The following LEMD1 variants were observed in gnomAD, a reference collection of about 807,000 sequenced individuals.
LEMD1 encodes the protein LEM domain-containing protein 1.
A neutral mutation model predicts 17.4 loss-of-function variants in LEMD1; 18 were observed. The observed-to-expected ratio is 1.04, with a 90% CI of 0.72 to 1.54. The LOEUF is 1.54. LEMD1 is among the 40% of genes most tolerant of loss of function. LEMD1 has a pLI of 0.00. For synonymous variants in LEMD1, 88 were observed against 77.8 expected, an observed-to-expected ratio of 1.13 and a Z score of -0.69; for missense variants, 195 against 210.4, an observed-to-expected ratio of 0.93 and a Z score of 0.45.
Position 205,384,331 on chromosome 1 carries a change from C to T in LEMD1, c.304G>A (p.Val102Ile), listed in dbSNP as rs1314013041. 1 of 1,525,950 alleles carries T rather than the reference C, an allele frequency of 6.6e-7. No homozygotes were observed. The highest frequency in any genetic ancestry group is 1.4e-5 in the African/African-American group (1 of 71,658). 94.5% of individuals were successfully genotyped at this position (1,525,950 alleles called of 1,614,324 possible). A position where few individuals can be genotyped will look rare whatever the true frequency, so the allele number is the denominator to read the frequency against. Reference protein sequence around the residue: ...PEASTTKRKAVDTYCLDYKPS... With the variant: ...PEASTTKRKAIDTYCLDYKPS... ...TTATAATCCAAGCAATAGGTATCTA[C>T]AGCTTTGCGTTTAGTGGTGGAAGCC... Residue 102 changes from valine to isoleucine, a missense_variant, in exon 5 of 6, where the codon GTA becomes ATA. By Grantham distance (29) the Val-to-Ile change is conservative. Transcript: ENST00000367153.
intron 1 of LEMD1, chr1:205,435,106 G>C (rs1168669471): frequency 6.6e-6 from 1 of 152,206 alleles, no homozygotes; most frequent in Non-Finnish European, 1.5e-5. Context: ...CCTCAGTGCA[G>C]GAGTTTAGCA....
intron 4 of LEMD1, among the ~76,000 whole-genome samples, chr1:205,397,074 A>T (rs1472636848): frequency 6.6e-6 from 1 of 152,108 alleles, no homozygotes; most frequent in Non-Finnish European, 1.5e-5. Context: ...TTAGTTTGTG[A>T]TTGGAAGGTT....
chr1:205,385,386 A>G (rs1235515912), intron 4 of LEMD1: 1 of 152,206 alleles, frequency 6.6e-6, no homozygotes, highest in Non-Finnish European at 1.5e-5. Flanking sequence ...TATTTTTAGC[A>G]GAGACGGGGT....
chr1:205,390,279 T>C (rs1313596115), intron 4 of LEMD1, among the ~76,000 whole-genome samples: 2 of 151,402 alleles, frequency 1.3e-5, no homozygotes, highest in African/African-American at 4.9e-5. Context: ...CGCTTGAACC[T>C]GGGAGGTGGA....
intron 1 of LEMD1, among the ~76,000 whole-genome samples, chr1:205,442,776 A>G (rs1666317188): frequency 6.6e-6 from 1 of 152,178 alleles, no homozygotes; most frequent in South Asian, 2.1e-4. Flanking sequence ...TAGAGCCAAG[A>G]CACAACTACT....
At chr1:205,449,145 C>T (rs1367104832) in intron 1 of LEMD1, among the ~76,000 whole-genome samples, 2 of 152,146 alleles carry the variant, frequency 1.3e-5, no homozygotes, top group African/African-American at 4.8e-5. Context: ...TGCGCAGTGC[C>T]CTGCCGCTCT....
chr1:205,432,105 A>G (rs745855463), intron 1 of LEMD1, among the ~76,000 whole-genome samples: 3 of 152,178 alleles, frequency 2.0e-5, no homozygotes, highest in Non-Finnish European at 1.5e-5. Context: ...TAACCACGTG[A>G]TATCTTTGAG....
At chr1:205,393,317 T>C (rs1375125277) in intron 4 of LEMD1, among the ~76,000 whole-genome samples, 1 of 151,570 alleles carries the variant, frequency 6.6e-6, no homozygotes, top group African/African-American at 2.4e-5. Context: ...TCATTAGTCA[T>C]TAGGGAAATG....
Position 205,381,843 on chromosome 1 carries a change from C to G in LEMD1, c.361G>C (p.Ala121Pro), listed in dbSNP as rs1258791783. ...CCATATGTGATTCTGGTGCTTGGTG[C>G]TCTTGCAGCCCACCTGTGAAAACAT... Reference protein sequence around the residue: ...PSKGRRWAARAPSTRITYGTI... With the variant: ...PSKGRRWAARPPSTRITYGTI... The change falls in exon 6 of 6, where the codon GCA (alanine) becomes CCA (proline). Residue 121 changes from alanine (A) to proline (P), a missense_variant. Ala to Pro is a conservative substitution (Grantham distance 27, BLOSUM62 -1). Coordinates refer to ENST00000367153, the MANE Select transcript of LEMD1 (RefSeq NM_001199050.2). 2 of 1,613,994 alleles carry G rather than the reference C, an allele frequency of 1.2e-6. No homozygotes were observed. The highest frequency in any genetic ancestry group is 2.7e-5 in the African/African-American group (2 of 74,884).
intron 3 of LEMD1, among the ~76,000 whole-genome samples, chr1:205,417,720 CT>C (rs1201595101): frequency 6.6e-6 from 1 of 151,970 alleles, no homozygotes; most frequent in Non-Finnish European, 1.5e-5. Context: ...TCTGTGCCGC[CT>C]CCAATGTCGG....
intron 4 of LEMD1, among the ~76,000 whole-genome samples, chr1:205,391,982 G>C (rs919243662): frequency 2.0e-5 from 3 of 151,588 alleles, no homozygotes; most frequent in African/African-American, 7.3e-5. Flanking sequence ...ATAGTGGCAG[G>C]CACCTGTAAT....
chr1:205,435,539 A>G (rs1481277999), intron 1 of LEMD1: 1 of 152,164 alleles, frequency 6.6e-6, no homozygotes, highest in African/African-American at 2.4e-5. Context: ...TGGTGGAGGG[A>G]CAGAAGAAAG....
intron 4 of LEMD1, among the ~76,000 whole-genome samples, chr1:205,407,871 G>A (rs1006529333): frequency 4.6e-5 from 7 of 152,200 alleles, no homozygotes; most frequent in African/African-American, 1.7e-4. Context: ...TACCTGGCTG[G>A]TGTCTGGAGA....
intron 4 of LEMD1, among the ~76,000 whole-genome samples, chr1:205,406,859 C>T (rs1174343969): frequency 6.6e-6 from 1 of 152,184 alleles, no homozygotes; most frequent in East Asian, 1.9e-4. Context: ...GGCTCCTCCC[C>T]CCAATATTTT....
chr1:205,403,681 C>CT (rs1054406503), intron 4 of LEMD1, among the ~76,000 whole-genome samples: 55 of 152,060 alleles, frequency 3.6e-4, no homozygotes, highest in African/African-American at 1.1e-3. Context: ...TTTTGAAAGG[C>CT]TTTTTTTGTC....
chr1:205,403,838 T>C (rs1247321782), intron 4 of LEMD1, among the ~76,000 whole-genome samples: 2 of 152,112 alleles, frequency 1.3e-5, no homozygotes, highest in East Asian at 1.9e-4. Flanking sequence ...TGTGGGCATT[T>C]AGTGCTATAA....
At chr1:205,399,351 T>C (rs534915620) in intron 4 of LEMD1, among the ~76,000 whole-genome samples, 4 of 152,348 alleles carry the variant, frequency 2.6e-5, no homozygotes, top group Middle Eastern at 6.8e-3. Flanking sequence ...ATTGGGTTGT[T>C]AGATTGCAAT....
intron 4 of LEMD1, among the ~76,000 whole-genome samples, chr1:205,388,078 C>T (rs1664125336): frequency 6.6e-6 from 1 of 152,240 alleles, no homozygotes; most frequent in Admixed American, 6.5e-5. Flanking sequence ...AAGAGCCCCA[C>T]AGTCCCTGCC....
intron 4 of LEMD1, among the ~76,000 whole-genome samples, chr1:205,388,105 T>A (rs1289813283): frequency 6.6e-6 from 1 of 152,222 alleles, no homozygotes; most frequent in African/African-American, 2.4e-5. Context: ...CACCACATGG[T>A]ACTGCAGCAT....
Sources: gnomAD v4.1 joint callset for allele counts (sites outside exome capture counted in the v4.1 genomes callset) on GRCh38, gnomAD v4.1.1 for gene constraint, MANE v1.5 for transcripts, NCBI Gene and HGNC (gene_info 2026-07-23, HGNC 2026-07-21) for gene names.